RBX1: variants seen among roughly 807,000 people sequenced by gnomAD.
RBX1 encodes ring-box 1.
For missense variants in RBX1, 46 were observed against 141.4 expected (o/e 0.33, Z 3.42); for synonymous variants, 48 against 47.9 (o/e 1.00, Z -0.01).
chr22:40,954,701 G>C (rs1174326741), intron 2 of RBX1, among the ~76,000 whole-genome samples: 1 of 150,580 alleles, frequency 6.6e-6, no homozygotes, highest in African/African-American at 2.4e-5. Context: ...TTTGTCTTGA[G>C]TCACTCCTGC....
intron 4 of RBX1, among the ~76,000 whole-genome samples, chr22:40,972,217 A>G (rs1476851519): frequency 6.6e-6 from 1 of 152,080 alleles, no homozygotes; most frequent in Non-Finnish European, 1.5e-5. Context: ...AGCTACTGGC[A>G]CCTGTCAGGT....
intron 3 of RBX1, 47 bp downstream of exon 3, chr22:40,964,164 C>G: frequency 1.4e-6 from 2 of 1,427,310 alleles, no homozygotes; most frequent in Non-Finnish European, 2.0e-6. Context: ...AACATATTTC[C>G]ACTTTTCCTG....
At chr22:40,957,000 A>G (rs1245047261) in intron 2 of RBX1, among the ~76,000 whole-genome samples, 1 of 151,194 alleles carries the variant, frequency 6.6e-6, no homozygotes, top group Admixed American at 6.6e-5. Flanking sequence ...GCGCCATTGC[A>G]CTCCAGCCTG....
intron 3 of RBX1, chr22:40,967,119 A>G (rs1181310003): frequency 6.6e-6 from 1 of 152,176 alleles, no homozygotes; most frequent in Non-Finnish European, 1.5e-5. Context: ...CCCTCATAAG[A>G]ATACTTCCTT....
intron 4 of RBX1, among the ~76,000 whole-genome samples, chr22:40,968,857 T>G (rs2058360974): frequency 6.6e-6 from 1 of 152,076 alleles, no homozygotes; most frequent in African/African-American, 2.4e-5. Flanking sequence ...ACCTTTTTTT[T>G]TTTTTTCATT....
chr22:40,970,312 C>T (rs987416466), intron 4 of RBX1, among the ~76,000 whole-genome samples: 5 of 149,364 alleles, frequency 3.3e-5, no homozygotes, highest in African/African-American at 9.9e-5. Context: ...GCTGAGATCA[C>T]GCCACATCAG....
chr22:40,958,231 C>T (rs1249392687), intron 2 of RBX1, among the ~76,000 whole-genome samples: 2 of 151,192 alleles, frequency 1.3e-5, no homozygotes, highest in Non-Finnish European at 2.9e-5. Flanking sequence ...AAACACTGAG[C>T]TTACAGGTGT....
intron 2 of RBX1, among the ~76,000 whole-genome samples, chr22:40,958,964 C>G (rs2058332677): frequency 6.6e-6 from 1 of 152,100 alleles, no homozygotes; most frequent in Non-Finnish European, 1.5e-5. Flanking sequence ...CAGGTATGCA[C>G]CAGCATGCCC....
At chr22:40,963,983 C>A in intron 2 of RBX1, 64 bp from the exon 3 acceptor site, 1 of 1,223,472 alleles carries the variant, frequency 8.2e-7, no homozygotes, top group Non-Finnish European at 1.2e-6. Context: ...ATTGTTTTGG[C>A]TGCTATAGAT....
rs1601532711 is a variant in RBX1, at chr22:40,951,436, C to T, written c.38C>T (p.Thr13Ile). 6.2e-7 allele frequency: 1 copy of T among 1,613,698 alleles called. No individual in the cohort carries two copies. Among genetic ancestry groups the T allele is most frequent in the East Asian group, 2.2e-5 (1 of 44,868 alleles). Residue 13 changes from threonine (T) to isoleucine (I), a missense_variant, in exon 1 of 5, where the codon ACC becomes ATC. Coordinates refer to ENST00000216225, the MANE Select transcript of RBX1 (RefSeq NM_014248.4). ...ATGGATGTGGATACCCCGAGCGGCA[C>T]CAACAGCGGCGCGGGCAAGAAGCGC... is the stretch of plus-strand genomic sequence containing the variant. ...AAMDVDTPSG[T>I]NSGAGKKRFE...
intron 2 of RBX1, among the ~76,000 whole-genome samples, chr22:40,955,979 G>A (rs544606533): frequency 2.6e-5 from 4 of 152,274 alleles, no homozygotes; most frequent in South Asian, 2.1e-4. Flanking sequence ...ATTTTCACAA[G>A]GAGTTATACC....
chr22:40,962,322 G>C (rs1398576191), intron 2 of RBX1, among the ~76,000 whole-genome samples: 1 of 151,938 alleles, frequency 6.6e-6, no homozygotes, highest in African/African-American at 2.4e-5. Flanking sequence ...GGCTGGTCTC[G>C]AATTCCTGAC....
At chr22:40,955,277 T>G (rs1012887083) in intron 2 of RBX1, among the ~76,000 whole-genome samples, 4 of 150,916 alleles carry the variant, frequency 2.7e-5, no homozygotes, top group Non-Finnish European at 5.9e-5. Context: ...TTTTTTTTTG[T>G]TTTTTTCAGA....
At chr22:40,962,618 C>G (rs562044450) in intron 2 of RBX1, among the ~76,000 whole-genome samples, 1 of 151,254 alleles carries the variant, frequency 6.6e-6, no homozygotes, top group Non-Finnish European at 1.5e-5. Context: ...GCCTCAGCCT[C>G]CTGAATAGCT....
chr22:40,962,959 G>A (rs1185503057), intron 2 of RBX1, among the ~76,000 whole-genome samples: 1 of 151,208 alleles, frequency 6.6e-6, no homozygotes, highest in East Asian at 2.0e-4. Context: ...GCCTCCCAAA[G>A]TGCTGAGATT....
intron 3 of RBX1, among the ~76,000 whole-genome samples, chr22:40,965,693 C>G (rs1440099083): frequency 3.9e-5 from 6 of 152,134 alleles, no homozygotes; most frequent in Non-Finnish European, 7.4e-5. Flanking sequence ...CTGCCAGCCT[C>G]GGCCTCCCAA....
intron 2 of RBX1, among the ~76,000 whole-genome samples, chr22:40,956,873 AAAATAC>A (rs762388863): frequency 2.4e-4 from 36 of 151,534 alleles, no homozygotes; most frequent in Admixed American, 9.9e-4. Context: ...GTCTCCACTA[AAAATAC>A]AAAAAATTAG....
At chr22:40,957,251 A>C (rs2058328176) in intron 2 of RBX1, among the ~76,000 whole-genome samples, 1 of 151,666 alleles carries the variant, frequency 6.6e-6, no homozygotes, top group Non-Finnish European at 1.5e-5. Context: ...AGGCTGAGGC[A>C]GGAGAATCAC....
intron 2 of RBX1, among the ~76,000 whole-genome samples, chr22:40,963,630 C>T (rs1198649900): frequency 6.6e-6 from 1 of 151,954 alleles, no homozygotes; most frequent in Non-Finnish European, 1.5e-5. Flanking sequence ...GAGGGAAACT[C>T]CATCTCAAAA....
Sources: allele counts gnomAD v4.1 joint callset (sites outside exome capture counted in the v4.1 genomes callset), GRCh38; gene constraint gnomAD v4.1.1; transcripts MANE v1.5; gene names NCBI Gene and HGNC (gene_info 2026-07-23, HGNC 2026-07-21).